The following HDGFL3 variants were observed in gnomAD, a reference collection of about 807,000 sequenced individuals.
The protein encoded by HDGFL3 is HDGF like 3, also known as hepatoma-derived growth factor-related protein 3.
In HDGFL3, 6 loss-of-function variants were observed where a neutral mutation model predicts 27.6. That is an observed-to-expected ratio of 0.22 (90% confidence interval 0.12 to 0.43). The LOEUF is 0.43. HDGFL3 is among the 20% of genes least tolerant of loss of function. The pLI, the probability that HDGFL3 is intolerant of heterozygous loss-of-function variation, is 1.00. For missense variants in HDGFL3, 207 were observed against 250.1 expected (o/e 0.83, Z 1.16); for synonymous variants, 88 against 88.9 (o/e 0.99, Z 0.05).
At chr15:83,156,611 C>G (rs915654500) in intron 4 of HDGFL3, among the ~76,000 whole-genome samples, 5 of 152,170 alleles carry the variant, frequency 3.3e-5, no homozygotes, top group African/African-American at 4.8e-5. Flanking sequence ...ATATACGAAG[C>G]CTTGACGTGT....
chr15:83,182,612 GA>G (rs894196113), intron 1 of HDGFL3, among the ~76,000 whole-genome samples: 1 of 151,908 alleles, frequency 6.6e-6, no homozygotes, highest in Non-Finnish European at 1.5e-5. Context: ...AATCTATGGT[GA>G]AAAAAAATCT....
At position 83,132,540 on chromosome 15, in the gene HDGFL3, A is replaced by G. The variant is rs1270930415; in HGVS notation, c.*6730T>C. The G allele has an allele frequency of 7.1e-6, 1 of 140,592 alleles. No homozygotes were observed. The highest frequency in any genetic ancestry group is 1.5e-5 in the Non-Finnish European group (1 of 66,134). 8.7% of individuals were successfully genotyped at this position (140,592 alleles called of 1,614,324 possible). ...ACGTGTGAATAATTTGGTTGTGAAG[A>G]GTTTACTGAAGTAAATTTATCATTT... is the stretch of plus-strand genomic sequence containing the variant. On this transcript the variant is annotated 3_prime_UTR_variant, in exon 6 of 6. Coordinates refer to ENST00000299633, the MANE Select transcript of HDGFL3 (RefSeq NM_016073.4).
chr15:83,169,310 A>AAAG (rs34055121), intron 1 of HDGFL3: 83,576 of 377,554 alleles, frequency 0.22, 10,486 homozygotes, highest in African/African-American at 0.35. Context: ...GCAAATAAGA[A>AAAG]AAGAAGTCGC....
At chr15:83,206,025 GCAGA>G (rs1246400488) in intron 1 of HDGFL3, among the ~76,000 whole-genome samples, 1 of 152,196 alleles carries the variant, frequency 6.6e-6, no homozygotes, top group Non-Finnish European at 1.5e-5. Context: ...CAATGGATAT[GCAGA>G]CAGTTGAAAT....
chr15:83,182,222 T>C (rs1398928172), intron 1 of HDGFL3, among the ~76,000 whole-genome samples: 4 of 152,182 alleles, frequency 2.6e-5, no homozygotes, highest in South Asian at 2.1e-4. Flanking sequence ...TAAAGTGTTA[T>C]AATGCTTTAT....
At chr15:83,178,208 A>G (rs1276855286) in intron 1 of HDGFL3, among the ~76,000 whole-genome samples, 2 of 152,238 alleles carry the variant, frequency 1.3e-5, no homozygotes, top group African/African-American at 4.8e-5. Context: ...CATAAGATTA[A>G]AAAGGGAAAG....
intron 5 of HDGFL3, chr15:83,144,598 T>C: frequency 2.2e-6 from 1 of 451,930 alleles, no homozygotes; most frequent in Non-Finnish European, 4.4e-6. Flanking sequence ...GGGAAACAAC[T>C]CATGAGGAAC....
chr15:83,182,141 G>T (rs1281527592), intron 1 of HDGFL3, among the ~76,000 whole-genome samples: 1 of 151,920 alleles, frequency 6.6e-6, no homozygotes, highest in African/African-American at 2.4e-5. Context: ...GCTTTTTATG[G>T]CTAGTCTTTT....
chr15:83,198,415 T>C (rs1348925693), intron 1 of HDGFL3, among the ~76,000 whole-genome samples: 1 of 152,208 alleles, frequency 6.6e-6, no homozygotes. Context: ...TGAAACTCAT[T>C]TAGCAGGTTG....
downstream of HDGFL3, chr15:83,122,805 A>G (rs776713088): frequency 2.5e-6 from 4 of 1,613,932 alleles, no homozygotes; most frequent in Non-Finnish European, 3.4e-6. Context: ...AGCATACCAT[A>G]TACTTGTCTT....
At chr15:83,169,154 T>C (rs1034609750) in intron 1 of HDGFL3, 4 of 431,230 alleles carry the variant, frequency 9.3e-6, no homozygotes, top group African/African-American at 6.2e-5. Context: ...CCACAGCCAA[T>C]ATCATACCAA....
chr15:83,199,158 T>A (rs2037607215), intron 1 of HDGFL3, among the ~76,000 whole-genome samples: 1 of 152,196 alleles, frequency 6.6e-6, no homozygotes, highest in African/African-American at 2.4e-5. Context: ...TTGTTTTAAA[T>A]TAGTTGGTTT....
chr15:83,127,503 G>A (rs1245276228), downstream of HDGFL3: 4 of 1,611,212 alleles, frequency 2.5e-6, no homozygotes, highest in South Asian at 2.2e-5. Flanking sequence ...TGTTGAGAAG[G>A]TTTACTTGTG....
chr15:83,207,355 CT>C lies in HDGFL3; in HGVS notation c.59del (p.Lys20ArgfsTer18). On this transcript the variant is annotated frameshift_variant, in exon 1 of 6. Coordinates refer to ENST00000299633, the MANE Select transcript of HDGFL3 (RefSeq NM_016073.4). LOFTEE classifies it high-confidence loss of function. This position sits in a 1 kb window ranked among gnomAD's most constrained non-coding sequence, Gnocchi z 4.8. Reference protein sequence around the residue: ...KAGDLVFAKMKGYPHWPARID... With the variant: ...KAGDLVFAKMXGYPHWPARID... ...CCCGGGCCGGCCAGTGCGGGTAGCC[CT>C]TCATCTTGGCGAAGACCAGGTCGCC... 2 of 1,401,258 alleles carry C rather than the reference CT, an allele frequency of 1.4e-6. No homozygotes were observed. Among genetic ancestry groups the C allele is most frequent in the Admixed American group, 2.8e-5 (1 of 35,436 alleles). The allele number at this position is 1,401,258 out of a possible 1,614,324, so 86.8% of individuals were successfully genotyped here. A position where few individuals can be genotyped will look rare whatever the true frequency, so the allele number is the denominator to read the frequency against.
At chr15:83,143,996 A>G (rs1036351663) in intron 5 of HDGFL3, among the ~76,000 whole-genome samples, 3 of 152,150 alleles carry the variant, frequency 2.0e-5, no homozygotes, top group Non-Finnish European at 4.4e-5. Context: ...AATAATTACA[A>G]ATTTTAAGTC....
intron 4 of HDGFL3, among the ~76,000 whole-genome samples, chr15:83,152,376 A>G (rs180698983): frequency 1.1e-3 from 166 of 151,970 alleles, no homozygotes; most frequent in African/African-American, 3.8e-3. Flanking sequence ...CTTGGCCAAC[A>G]TGGCAAAACC....
In HDGFL3 at chr15:83,128,451, A is replaced by C. The variant is rs2035959810; in HGVS notation, c.*10819T>G. The C allele has an allele frequency of 6.6e-6, 1 of 152,168 alleles. No individual in the cohort carries two copies. Among genetic ancestry groups the C allele is most frequent in the Non-Finnish European group, 1.5e-5 (1 of 68,036 alleles). 9.4% of individuals were successfully genotyped at this position (152,168 alleles called of 1,614,324 possible). On this transcript the variant is annotated 3_prime_UTR_variant, in exon 6 of 6. Transcript: ENST00000299633. ...TTAAGAAGGAAGAGAACTAACATTT[A>C]TTGCTCTTTGCTGGTTGTTTTTCCT...
At chr15:83,119,807 G>A (rs2035053424) in intron 3 of HDGFL3, 3 of 1,461,684 alleles carry the variant, frequency 2.1e-6, no homozygotes, top group Non-Finnish European at 2.8e-6. Context: ...AAGTTCCATG[G>A]GTGCACGTCA....
At chr15:83,187,331 G>C (rs890205518) in intron 1 of HDGFL3, among the ~76,000 whole-genome samples, 6 of 144,918 alleles carry the variant, frequency 4.1e-5, no homozygotes, top group African/African-American at 1.6e-4. Flanking sequence ...CACGGGCAGA[G>C]TTTTTTTTTT....
Sources: allele counts gnomAD v4.1 joint callset (sites outside exome capture counted in the v4.1 genomes callset), GRCh38; gene constraint gnomAD v4.1.1; non-coding constraint Gnocchi (gnomAD v3.1); transcripts MANE v1.5; gene names NCBI Gene and HGNC (gene_info 2026-07-23, HGNC 2026-07-21).